The following TMC1 variants were observed in gnomAD, a reference collection of about 807,000 sequenced individuals.
TMC1 encodes the protein transmembrane channel like 1.
A neutral mutation model predicts 105.8 loss-of-function variants in TMC1; 84 were observed. That is an observed-to-expected ratio of 0.79 (90% CI 0.67 to 0.95). TMC1 has a LOEUF of 0.95. Among genes scored for constraint, TMC1 ranks in the 40% least tolerant of loss-of-function variants. The pLI, the probability that TMC1 is intolerant of heterozygous loss-of-function variation, is 0.00. For synonymous variants in TMC1, 315 were observed against 311.5 expected, an observed-to-expected ratio of 1.01 and a Z score of -0.12; for missense variants, 817 against 914.1, an observed-to-expected ratio of 0.89 and a Z score of 1.37.
chr9:72,588,620 G>A (rs1018611517), intron 2 of TMC1, among the ~76,000 whole-genome samples: 1 of 152,114 alleles, frequency 6.6e-6, no homozygotes, highest in African/African-American at 2.4e-5. Flanking sequence ...AATTGGCACA[G>A]CATTCTTTCT....
rs377371673 is a variant in TMC1, at chr9:72,828,815, C to T, written c.2130-1636C>T. ...TCAGATGGGCTGAAAGCCACTTGTC[C>T]GAGGTGGTATAGACCCAGGGTCAGC... On this transcript the variant is annotated intron_variant, in intron 21 of 23. Transcript: ENST00000297784. 1.1e-3 allele frequency among the ~76,000 whole-genome samples: 164 copies of T among 152,292 alleles called. 1 individual carries two copies. Among genetic ancestry groups the T allele is most frequent in the African/African-American group, 3.8e-3 (160 of 41,562 alleles).
At chr9:72,581,448 A>T (rs1409813531) in intron 2 of TMC1, among the ~76,000 whole-genome samples, 4 of 152,144 alleles carry the variant, frequency 2.6e-5, no homozygotes, top group Admixed American at 6.5e-5. Context: ...CAGTCAGTAT[A>T]TTGAGATGCA....
At position 72,772,399 on chromosome 9, in the gene TMC1, T is replaced by C. The variant is rs193052024; in HGVS notation, c.742-14T>C. 3.1e-6 allele frequency: 5 copies of C among 1,613,772 alleles called. No individual in the cohort carries two copies. The African/African-American group carries it at 4.0e-5, about 13-fold the overall frequency. On this transcript the variant is annotated splice_polypyrimidine_tract_variant and intron_variant, in intron 12 of 23. Transcript: ENST00000297784. ...TCACGACAACTGCTAAGTGGCTTTG[T>C]TGTTGGATTTCAGGGTTTGGCACAA...
intron 10 of TMC1, among the ~76,000 whole-genome samples, chr9:72,749,738 T>C (rs1827548303): frequency 6.6e-6 from 1 of 152,176 alleles, no homozygotes; most frequent in African/African-American, 2.4e-5. Flanking sequence ...AAAATATCCA[T>C]TTAAAGATTG....
At chr9:72,764,370 A>C (rs1827799427) in intron 12 of TMC1, among the ~76,000 whole-genome samples, 1 of 152,086 alleles carries the variant, frequency 6.6e-6, no homozygotes, top group African/African-American at 2.4e-5. Context: ...CAGCCAACAA[A>C]ACCCTCTAAT....
intron 8 of TMC1, among the ~76,000 whole-genome samples, chr9:72,717,632 C>G (rs1425249071): frequency 6.6e-6 from 1 of 152,158 alleles, no homozygotes; most frequent in African/African-American, 2.4e-5. Flanking sequence ...CCAGTCCCCT[C>G]TAGCCTGTAG....
chr9:72,831,496 G>T (rs1469821911), intron 23 of TMC1, among the ~76,000 whole-genome samples: 1 of 151,964 alleles, frequency 6.6e-6, no homozygotes. Flanking sequence ...GTGCAGGTTA[G>T]TTACATATGT....
chr9:72,630,285 AAATT>A (rs1316303767), intron 4 of TMC1, among the ~76,000 whole-genome samples: 4 of 152,240 alleles, frequency 2.6e-5, no homozygotes. Context: ...AAATTTAAAA[AAATT>A]AACCCAACCA....
intron 10 of TMC1, among the ~76,000 whole-genome samples, chr9:72,750,387 T>TG (rs1451332218): frequency 3.3e-5 from 5 of 152,238 alleles, no homozygotes; most frequent in African/African-American, 7.2e-5. Context: ...CTTGGGCAAC[T>TG]GACAATGATA....
At chr9:72,805,561 T>A (rs765056279) in intron 18 of TMC1, 51 bp downstream of exon 18, 5 of 1,491,452 alleles carry the variant, frequency 3.4e-6, no homozygotes, top group Non-Finnish European at 4.5e-6. Context: ...TTATTTATTT[T>A]TTATTGATAA....
chr9:72,775,188 A>G (rs890505969), intron 13 of TMC1, among the ~76,000 whole-genome samples: 2 of 151,816 alleles, frequency 1.3e-5, no homozygotes, highest in South Asian at 2.1e-4. Context: ...ACAAACATGG[A>G]TGGTTGGTCA....
intron 15 of TMC1, 125 bp from the exon 16 acceptor site, chr9:72,791,761 A>T (rs1588085208): frequency 1.2e-6 from 1 of 807,890 alleles, no homozygotes; most frequent in East Asian, 2.4e-5. Flanking sequence ...ACGTGCATAA[A>T]ATAGTCATTT....
At chr9:72,525,942 C>T (rs1181937397) in intron 1 of TMC1, among the ~76,000 whole-genome samples, 3 of 151,080 alleles carry the variant, frequency 2.0e-5, no homozygotes, top group Middle Eastern at 3.4e-3. Context: ...GAGCCAAGGT[C>T]GTGCCACTGC....
At chr9:72,609,665 G>A (rs1824990647) in intron 2 of TMC1, among the ~76,000 whole-genome samples, 1 of 152,098 alleles carries the variant, frequency 6.6e-6, no homozygotes, top group Non-Finnish European at 1.5e-5. Flanking sequence ...GAAAAAATTG[G>A]GAACCTTTAT....
At chr9:72,605,797 A>C (rs1587984414) in intron 2 of TMC1, among the ~76,000 whole-genome samples, 3 of 151,954 alleles carry the variant, frequency 2.0e-5, no homozygotes, top group African/African-American at 7.3e-5. Flanking sequence ...GCTGGTCTCG[A>C]ACTCCTGGCC....
chr9:72,650,896 A>C (rs1425165568), intron 5 of TMC1, among the ~76,000 whole-genome samples: 6 of 142,312 alleles, frequency 4.2e-5, no homozygotes, highest in African/African-American at 1.0e-4. Flanking sequence ...ATATAGATAT[A>C]TATATAAATA....
At chr9:72,631,399 G>C (rs1319021956) in intron 4 of TMC1, among the ~76,000 whole-genome samples, 1 of 152,098 alleles carries the variant, frequency 6.6e-6, no homozygotes, top group South Asian at 2.1e-4. Context: ...AAAATTCTCA[G>C]TGTTAACTAG....
chr9:72,784,917 C>T (rs971813343), intron 13 of TMC1, among the ~76,000 whole-genome samples: 8 of 152,178 alleles, frequency 5.3e-5, no homozygotes, highest in African/African-American at 1.9e-4. Flanking sequence ...AAGAAGAGAA[C>T]AATAGACACC....
At chr9:72,536,153 T>C (rs1587943255) in intron 1 of TMC1, among the ~76,000 whole-genome samples, 1 of 152,284 alleles carries the variant, frequency 6.6e-6, no homozygotes, top group East Asian at 1.9e-4. Context: ...GTCCAAAGTA[T>C]CACCTGCGAC....
Sources: gnomAD v4.1 joint callset for allele counts (sites outside exome capture counted in the v4.1 genomes callset) on GRCh38, gnomAD v4.1.1 for gene constraint, MANE v1.5 for transcripts, NCBI Gene and HGNC (gene_info 2026-07-23, HGNC 2026-07-21) for gene names.